The following LPCAT1 variants were observed in gnomAD, a reference collection of about 807,000 sequenced individuals.
The protein encoded by LPCAT1 is 1-acylglycerol-3-phosphate O-acyltransferase.
In LPCAT1, 23 loss-of-function variants were observed where a neutral mutation model predicts 60.9. That is an observed-to-expected ratio of 0.38 (90% confidence interval 0.27 to 0.53). The LOEUF (loss-of-function observed/expected upper bound fraction) is 0.53. LPCAT1 is among the 20% of genes least tolerant of loss of function. The pLI, the probability that LPCAT1 is intolerant of heterozygous loss-of-function variation, is 0.82. For missense variants in LPCAT1, 622 were observed against 723.6 expected, an observed-to-expected ratio of 0.86 and a Z score of 1.61; for synonymous variants, 340 against 301.1, an observed-to-expected ratio of 1.13 and a Z score of -1.34.
rs1649319203 is a variant in LPCAT1 at position 1,480,560 on chromosome 5, G to A, written c.761+382C>T. ...GGGACACTGACTCACAGCAGGGGCT[G>A]GCCTCCCACCCAGCACTACTCAGTC... is the stretch of plus-strand genomic sequence containing the variant. On this transcript the variant is annotated intron_variant, in intron 7 of 13. Coordinates refer to ENST00000283415, the MANE Select transcript of LPCAT1 (RefSeq NM_024830.5). This position sits in a 1 kb window ranked among gnomAD's most constrained non-coding sequence, Gnocchi z 6.4. 2.0e-5 allele frequency among the ~76,000 whole-genome samples: 3 copies of A among 152,230 alleles called. No homozygotes were observed. The South Asian group carries it at 6.2e-4, about 32-fold the overall frequency.
Position 1,480,151 on chromosome 5 carries a change from C to G in LPCAT1, c.762-476G>C, listed in dbSNP as rs568287004. 1 of 166,862 alleles carries G rather than the reference C, an allele frequency of 6.0e-6. No homozygotes were observed. The highest frequency in any genetic ancestry group is 2.4e-5 in the African/African-American group (1 of 41,690). 10.3% of individuals were successfully genotyped at this position (166,862 alleles called of 1,614,324 possible). On this transcript the variant is annotated intron_variant, in intron 7 of 13. Coordinates refer to ENST00000283415, the MANE Select transcript of LPCAT1 (RefSeq NM_024830.5). This position sits in a 1 kb window ranked among gnomAD's most constrained non-coding sequence, Gnocchi z 6.4. Reference sequence around the variant, plus strand: ...AGGGCCACACTCACGCCTCCGACAGCCCAGTGCCCCAACCCTCTTTCTGCC... The same window carrying G: ...AGGGCCACACTCACGCCTCCGACAGGCCAGTGCCCCAACCCTCTTTCTGCC...
rs2126501066 is a variant in LPCAT1, at chr5:1,473,990, G to A, written c.1146C>T (p.Asp382=). The change falls in exon 11 of 14, where the codon GAC becomes GAT. Residue 382 remains aspartate (D), a synonymous_variant. Transcript: ENST00000283415. ...FAASLEVPVS[D]LLEDMFSLFD... Reference sequence around the variant, plus strand: ...ACAGTGAAAACATGTCTTCCAGCAAGTCAGAAACGGGGACTTCCAGGGAGG... The same window carrying A: ...ACAGTGAAAACATGTCTTCCAGCAAATCAGAAACGGGGACTTCCAGGGAGG... 6.2e-7 allele frequency: 1 copy of A among 1,614,184 alleles called. No individual in the cohort carries two copies. Among genetic ancestry groups the A allele is most frequent in the African/African-American group, 1.3e-5 (1 of 75,052 alleles).
At chr5:1,498,148 TAACGTGAGCC>T (rs1296741178) in intron 2 of LPCAT1, among the ~76,000 whole-genome samples, 1 of 152,230 alleles carries the variant, frequency 6.6e-6, no homozygotes, top group Non-Finnish European at 1.5e-5. Context: ...GAGCAGTGCA[TAACGTGAGCC>T]AACTTAAGTC....
rs1178374759 is a variant in LPCAT1 at position 1,489,792 on chromosome 5, A to G, written c.560T>C (p.Val187Ala). Residue 187 changes from valine (V) to alanine (A), a missense_variant, in exon 4 of 14, where the codon GTA (valine) becomes GCA (alanine). This residue lies in a region of LPCAT1 where 209 missense variants were observed against 325.5 expected (regional missense o/e 0.64). Coordinates refer to ENST00000283415, the MANE Select transcript of LPCAT1 (RefSeq NM_024830.5). ...CTGCGCCCGTCTCTTGATTTCTTCT[A>G]CTGTTTTCCTGCGAGAATCCTGGTC... ...RSDQDSRRKT[V>A]EEIKRRAQSN... 1 of 1,614,136 alleles carries G rather than the reference A, an allele frequency of 6.2e-7. No homozygotes were observed. The highest frequency in any genetic ancestry group is 1.1e-5 in the South Asian group (1 of 91,080).
rs769647390 is a variant in LPCAT1, at chr5:1,489,736, C to T, written c.606+10G>A. 1.2e-5 allele frequency: 19 copies of T among 1,565,486 alleles called. No individual in the cohort carries two copies. Among genetic ancestry groups the T allele is most frequent in the Admixed American group, 5.0e-5 (3 of 59,956 alleles). On this transcript the variant is annotated intron_variant, in intron 4 of 13. Transcript: ENST00000283415. ...AACCACTGAAACACAATCAGGGCTA[C>T]GTGCATTACCTGTGGCCACTTTCCG...
chr5:1,467,203 G>A (rs891434254), intron 12 of LPCAT1: 21 of 320,176 alleles, frequency 6.6e-5, no homozygotes, highest in African/African-American at 3.6e-4. Context: ...CTGGGAGGCC[G>A]CGGAAGGGTC....
chr5:1,492,885 G>A (rs1338450411), intron 3 of LPCAT1, among the ~76,000 whole-genome samples: 1 of 152,232 alleles, frequency 6.6e-6, no homozygotes. Context: ...CTGCAGCTGC[G>A]AGGGTGCCTG....
At chr5:1,514,926 G>A (rs1423184941) in intron 1 of LPCAT1, among the ~76,000 whole-genome samples, 4 of 152,166 alleles carry the variant, frequency 2.6e-5, no homozygotes, top group African/African-American at 4.8e-5. Flanking sequence ...CGGACCTCCC[G>A]CCTGGTCTGA....
At chr5:1,505,308 C>A (rs952905824) in intron 1 of LPCAT1, among the ~76,000 whole-genome samples, 3 of 149,828 alleles carry the variant, frequency 2.0e-5, no homozygotes, top group Non-Finnish European at 4.5e-5. Flanking sequence ...CTGCTTCCAC[C>A]ACAGAGTGCG....
chr5:1,489,245 C>G (rs925372715), intron 4 of LPCAT1, among the ~76,000 whole-genome samples: 6 of 152,236 alleles, frequency 3.9e-5, no homozygotes, highest in Admixed American at 2.6e-4. Flanking sequence ...AGATCCCAGA[C>G]AGTTCTGTAA....
chr5:1,506,878 G>C (rs1029347945), intron 1 of LPCAT1, among the ~76,000 whole-genome samples: 1 of 152,186 alleles, frequency 6.6e-6, no homozygotes, highest in Non-Finnish European at 1.5e-5. Flanking sequence ...CTGTCAGAGA[G>C]GGCAGGTGTC....
chr5:1,512,766 T>C (rs1014962845), intron 1 of LPCAT1, among the ~76,000 whole-genome samples: 11 of 152,222 alleles, frequency 7.2e-5, no homozygotes, highest in Admixed American at 5.9e-4. Context: ...TGCTCACACA[T>C]TGGTGCTGTT....
chr5:1,516,215 G>C (rs1736501955), intron 1 of LPCAT1, among the ~76,000 whole-genome samples: 1 of 152,250 alleles, frequency 6.6e-6, no homozygotes, highest in African/African-American at 2.4e-5. Flanking sequence ...GCGCCACGTG[G>C]TCCTGGGGCC....
At chr5:1,515,278 C>T (rs917221660) in intron 1 of LPCAT1, among the ~76,000 whole-genome samples, 12 of 151,164 alleles carry the variant, frequency 7.9e-5, no homozygotes, top group Admixed American at 3.9e-4. Context: ...CATCCTGCAT[C>T]AGGGGATCCT....
In LPCAT1 at chr5:1,496,086, C is replaced by T. The variant is rs1403203038; in HGVS notation, c.279-1172G>A. Reference sequence around the variant, plus strand: ...TTAAAAATGTACTTTTCTGGCCAGGCATGGTGGCTCACGCCTGTAATCACA... The same window carrying T: ...TTAAAAATGTACTTTTCTGGCCAGGTATGGTGGCTCACGCCTGTAATCACA... On this transcript the variant is annotated intron_variant, in intron 2 of 13. Transcript: ENST00000283415. This position sits in a 1 kb window ranked among gnomAD's most constrained non-coding sequence, Gnocchi z 4.7. Among the ~76,000 whole-genome samples, 1 of 152,232 alleles carries T rather than the reference C, an allele frequency of 6.6e-6. No individual in the cohort carries two copies. The highest frequency in any genetic ancestry group is 1.5e-5 in the Non-Finnish European group (1 of 68,044).
At chr5:1,504,813 G>T (rs1303003793) in intron 1 of LPCAT1, among the ~76,000 whole-genome samples, 1 of 151,936 alleles carries the variant, frequency 6.6e-6, no homozygotes, top group East Asian at 1.9e-4. Context: ...CAGACGCCAT[G>T]AAGTGTGATA....
In LPCAT1 at chr5:1,495,042, C is replaced by T. The variant is rs1253566005; in HGVS notation, c.279-128G>A. ...CAGGCCACGGGCTTCCTGTGGTCGC[C>T]GCCGCTGGGACATCTGCTTGAGGGA... is the stretch of plus-strand genomic sequence containing the variant. On this transcript the variant is annotated intron_variant, in intron 2 of 13. Coordinates refer to ENST00000283415, the MANE Select transcript of LPCAT1 (RefSeq NM_024830.5). The surrounding 1 kb of genome is among the most constrained non-coding windows in gnomAD (Gnocchi z 4.7). The T allele has an allele frequency of 2.5e-5, 20 of 800,482 alleles. No homozygotes were observed. The highest frequency in any genetic ancestry group is 3.5e-5 in the African/African-American group (2 of 57,708). 49.6% of individuals were successfully genotyped at this position (800,482 alleles called of 1,614,324 possible). A position where few individuals can be genotyped will look rare whatever the true frequency, so the allele number is the denominator to read the frequency against.
At chr5:1,486,529 A>G (rs1348005505) in intron 5 of LPCAT1, among the ~76,000 whole-genome samples, 3 of 152,060 alleles carry the variant, frequency 2.0e-5, no homozygotes, top group Non-Finnish European at 4.4e-5. Context: ...TGAAAGGTGG[A>G]GGGAGGGTCT....
In LPCAT1 at chr5:1,476,883, A is replaced by T. The variant is rs549001959; in HGVS notation, c.899+521T>A. 1.8e-4 allele frequency among the ~76,000 whole-genome samples: 27 copies of T among 152,136 alleles called. No homozygotes were observed. Among genetic ancestry groups the T allele is most frequent in the Non-Finnish European group, 3.4e-4 (23 of 68,014 alleles). On this transcript the variant is annotated intron_variant, in intron 9 of 13. Transcript: ENST00000283415. This position sits in a 1 kb window ranked among gnomAD's most constrained non-coding sequence, Gnocchi z 8.6. ...GAGCCGACAGCACTGCCGGCCATGC[A>T]AGCAGGGGACCTGGGACCATGGGAA...
Sources: gnomAD v4.1 joint callset for allele counts (sites outside exome capture counted in the v4.1 genomes callset) on GRCh38, gnomAD v4.1.1 for gene constraint, gnomAD v4.1.1 regional missense constraint, Gnocchi (gnomAD v3.1) non-coding constraint, MANE v1.5 for transcripts, NCBI Gene and HGNC (gene_info 2026-07-23, HGNC 2026-07-21) for gene names.